The following CNTNAP5 variants were observed in gnomAD, a reference collection of about 807,000 sequenced individuals.
CNTNAP5 encodes contactin associated protein family member 5.
CNTNAP5 carries 72 observed loss-of-function variants against 150.2 expected under a neutral mutation model. The observed-to-expected ratio is 0.48, with a 90% CI of 0.40 to 0.58. CNTNAP5 has a LOEUF of 0.58. Among genes scored for constraint, CNTNAP5 ranks in the 20% least tolerant of loss-of-function variants. The pLI is 0.00. For synonymous variants in CNTNAP5, 672 were observed against 619.8 expected (o/e 1.08, Z -1.25); for missense variants, 1,636 against 1,626.2 (o/e 1.01, Z -0.10).
At chr2:124,097,092 G>T (rs1222108789) in intron 1 of CNTNAP5, among the ~76,000 whole-genome samples, 1 of 152,056 alleles carries the variant, frequency 6.6e-6, no homozygotes, top group South Asian at 2.1e-4. Flanking sequence ...GTAATAACTC[G>T]AATTTGGGTA....
At chr2:124,251,328 TA>T (rs1419631514) in intron 3 of CNTNAP5, among the ~76,000 whole-genome samples, 6 of 151,014 alleles carry the variant, frequency 4.0e-5, no homozygotes, top group Non-Finnish European at 8.8e-5. Flanking sequence ...GAAGGACTCA[TA>T]AAAATTGGGC....
At chr2:124,385,670 A>G (rs1446261435) in intron 3 of CNTNAP5, among the ~76,000 whole-genome samples, 1 of 152,216 alleles carries the variant, frequency 6.6e-6, no homozygotes, top group Non-Finnish European at 1.5e-5. Flanking sequence ...AAGTGGCAGA[A>G]TCAGTATATA....
chr2:124,547,406 A>G (rs937346685), intron 10 of CNTNAP5, among the ~76,000 whole-genome samples: 5 of 152,206 alleles, frequency 3.3e-5, no homozygotes, highest in African/African-American at 1.2e-4. Flanking sequence ...TGGATTGTTC[A>G]TTTTGGGAAT....
At chr2:124,073,146 G>A (rs1466166560) in intron 1 of CNTNAP5, among the ~76,000 whole-genome samples, 8 of 152,008 alleles carry the variant, frequency 5.3e-5, no homozygotes, top group Non-Finnish European at 5.9e-5. Flanking sequence ...TGGGAAAACT[G>A]GACATCCACA....
intron 1 of CNTNAP5, among the ~76,000 whole-genome samples, chr2:124,175,481 C>A (rs939067216): frequency 3.9e-5 from 6 of 151,952 alleles, no homozygotes. Flanking sequence ...GGTACACGTA[C>A]AAGTTTGTTA....
chr2:124,028,203 G>A (rs1313346343), intron 1 of CNTNAP5, among the ~76,000 whole-genome samples: 1 of 152,112 alleles, frequency 6.6e-6, no homozygotes, highest in South Asian at 2.1e-4. Flanking sequence ...ATAGTATATA[G>A]TTGCACTGTG....
chr2:124,406,141 T>C (rs1464006341), intron 3 of CNTNAP5, among the ~76,000 whole-genome samples: 1 of 152,220 alleles, frequency 6.6e-6, no homozygotes, highest in Non-Finnish European at 1.5e-5. Flanking sequence ...TTGAGGTTTT[T>C]CTAGATAATT....
chr2:124,742,382 A>G lies in CNTNAP5; in HGVS notation c.2078-4847A>G, dbSNP rs564334888. Among the ~76,000 whole-genome samples, 13 of 151,220 alleles carry G rather than the reference A, an allele frequency of 8.6e-5. No homozygotes were observed. In the East Asian group the frequency reaches 2.3e-3, roughly 27 times the overall value. On this transcript the variant is annotated intron_variant, in intron 13 of 23. Transcript: ENST00000682447. ...CTACAGGGCTTAAACTGTGCCTCTC[A>G]GTTTGCATGTTGTCTGCAACAAAGC...
intron 21 of CNTNAP5, among the ~76,000 whole-genome samples, chr2:124,881,388 G>A (rs1677961310): frequency 6.6e-6 from 1 of 152,094 alleles, no homozygotes; most frequent in Non-Finnish European, 1.5e-5. Flanking sequence ...AAGGAATGGA[G>A]AGGACAAGAG....
chr2:124,366,460 G>A (rs1259863665), intron 3 of CNTNAP5, among the ~76,000 whole-genome samples: 2 of 152,062 alleles, frequency 1.3e-5, no homozygotes, highest in Non-Finnish European at 2.9e-5. Flanking sequence ...CCCAAGACTA[G>A]CAGTGGCCAC....
chr2:124,872,374 CTGTGTGTG>C (rs56024878), intron 21 of CNTNAP5, among the ~76,000 whole-genome samples: 22,645 of 139,314 alleles, frequency 0.16, 1,746 homozygotes, highest in Non-Finnish European at 0.19. Context: ...TTTCCTTATG[CTGTGTGTG>C]TGTGTGTGTG....
intron 12 of CNTNAP5, among the ~76,000 whole-genome samples, chr2:124,620,390 A>G (rs1391319454): frequency 2.0e-5 from 3 of 152,220 alleles, no homozygotes; most frequent in East Asian, 3.9e-4. Flanking sequence ...AATGCCTTCT[A>G]TAAGTCCAAG....
chr2:124,789,899 TA>T lies in CNTNAP5; in HGVS notation c.2753-2del, dbSNP rs1235449237. On this transcript the variant is annotated splice_acceptor_variant, in intron 17 of 23. Coordinates refer to ENST00000682447, the MANE Select transcript of CNTNAP5 (RefSeq NM_001367498.1). LOFTEE classifies it high-confidence loss of function. ...ATTTGTTTCCTTTTATTTAACCTCT[TA>T]GGGGGAACGTCATCCAGACAGAAAG... 1.2e-6 allele frequency: 2 copies of T among 1,612,898 alleles called. No homozygotes were observed. Among genetic ancestry groups the T allele is most frequent in the African/African-American group, 2.7e-5 (2 of 74,892 alleles).
At chr2:124,394,677 A>G (rs2104752017) in intron 3 of CNTNAP5, among the ~76,000 whole-genome samples, 1 of 152,298 alleles carries the variant, frequency 6.6e-6, no homozygotes, top group African/African-American at 2.4e-5. Flanking sequence ...TCTCTTATAA[A>G]CCCAGTGTTG....
chr2:124,729,788 G>A (rs1378977559), intron 13 of CNTNAP5, among the ~76,000 whole-genome samples: 1 of 152,054 alleles, frequency 6.6e-6, no homozygotes, highest in South Asian at 2.1e-4. Flanking sequence ...CCAGAAATGA[G>A]TCCTAAATCT....
chr2:124,395,281 C>T (rs1691217525), intron 3 of CNTNAP5, among the ~76,000 whole-genome samples: 1 of 152,042 alleles, frequency 6.6e-6, no homozygotes, highest in Non-Finnish European at 1.5e-5. Flanking sequence ...GAAAGCATGC[C>T]TCCCAAGAAG....
intron 21 of CNTNAP5, among the ~76,000 whole-genome samples, chr2:124,887,324 C>G (rs560929256): frequency 6.6e-6 from 1 of 152,132 alleles, no homozygotes; most frequent in Admixed American, 6.6e-5. Context: ...TACACTTCTT[C>G]TGATTAGTAA....
At chr2:124,295,729 C>T (rs530154884) in intron 3 of CNTNAP5, among the ~76,000 whole-genome samples, 1 of 104,664 alleles carries the variant, frequency 9.6e-6, no homozygotes, top group East Asian at 3.0e-4. Context: ...ATGTTTATTT[C>T]TAAACAAAAG....
chr2:124,028,772 C>G (rs1680964409), intron 1 of CNTNAP5, among the ~76,000 whole-genome samples: 1 of 152,108 alleles, frequency 6.6e-6, no homozygotes, highest in African/African-American at 2.4e-5. Flanking sequence ...TATGCCACAG[C>G]TAAGCGTTCA....
Sources: gnomAD v4.1 joint callset for allele counts (sites outside exome capture counted in the v4.1 genomes callset) on GRCh38, gnomAD v4.1.1 for gene constraint, MANE v1.5 for transcripts, NCBI Gene and HGNC (gene_info 2026-07-23, HGNC 2026-07-21) for gene names.